Variants in DSCAML1 observed in about 807,000 individuals in gnomAD.
DSCAML1 encodes the protein cell adhesion molecule DSCAML1.
DSCAML1 carries 38 observed loss-of-function variants against 200.5 expected under a neutral mutation model. The ratio of observed to expected loss-of-function variants is 0.19; its 90% CI spans 0.15 to 0.25. The LOEUF (loss-of-function observed/expected upper bound fraction) is 0.25, where lower values mean the gene tolerates loss of function less well. DSCAML1 is among the 10% of genes least tolerant of loss of function. The pLI, the probability that DSCAML1 is intolerant of heterozygous loss-of-function variation, is 1.00. For missense variants in DSCAML1, 2,223 were observed against 2,858.8 expected (o/e 0.78, Z 5.07); for synonymous variants, 1,215 against 1,165.0 (o/e 1.04, Z -0.87).
intron 3 of DSCAML1, among the ~76,000 whole-genome samples, chr11:117,658,438 T>C (rs568073261): frequency 2.6e-5 from 4 of 152,314 alleles, no homozygotes; most frequent in African/African-American, 9.6e-5. Context: ...CGGAAAGCTG[T>C]GGCTTGCCCA....
chr11:117,813,749 G>T (rs1349584612), intron 1 of DSCAML1, among the ~76,000 whole-genome samples: 1 of 152,066 alleles, frequency 6.6e-6, no homozygotes, highest in African/African-American at 2.4e-5. Context: ...TCCCACTCTA[G>T]GTTCCCACGC....
intron 3 of DSCAML1, among the ~76,000 whole-genome samples, chr11:117,609,192 C>G (rs1212242062): frequency 6.6e-6 from 1 of 150,692 alleles, no homozygotes; most frequent in Middle Eastern, 3.2e-3. Flanking sequence ...GAGCCAGACC[C>G]TATCTCAATT....
intron 3 of DSCAML1, among the ~76,000 whole-genome samples, chr11:117,748,889 G>A (rs1459471962): frequency 6.6e-6 from 1 of 152,186 alleles, no homozygotes; most frequent in Non-Finnish European, 1.5e-5. Context: ...CAAGATGGAG[G>A]GTCCCACTGC....
At chr11:117,636,929 A>G (rs1026430529) in intron 3 of DSCAML1, among the ~76,000 whole-genome samples, 4 of 152,176 alleles carry the variant, frequency 2.6e-5, no homozygotes, top group Non-Finnish European at 5.9e-5. Context: ...AGATAGAGGA[A>G]CTACTTCCAG....
chr11:117,677,799 G>A (rs539318166), intron 3 of DSCAML1, among the ~76,000 whole-genome samples: 3 of 152,310 alleles, frequency 2.0e-5, no homozygotes, highest in East Asian at 3.9e-4. Flanking sequence ...GCACAGACAG[G>A]TGAAGGGACT....
At chr11:117,713,115 C>T (rs1591431043) in intron 3 of DSCAML1, among the ~76,000 whole-genome samples, 1 of 152,252 alleles carries the variant, frequency 6.6e-6, no homozygotes, top group East Asian at 1.9e-4. Flanking sequence ...TTCCCAATGC[C>T]GTTTTTTGGG....
At chr11:117,748,348 A>G (rs1286384391) in intron 3 of DSCAML1, among the ~76,000 whole-genome samples, 2 of 152,282 alleles carry the variant, frequency 1.3e-5, no homozygotes, top group East Asian at 3.9e-4. Context: ...ACTCCCCGTC[A>G]TTTTTACCCA....
In DSCAML1 at chr11:117,532,447, T is replaced by C; in HGVS notation, c.587A>G (p.Tyr196Cys). 1 of 1,614,128 alleles carries C rather than the reference T, an allele frequency of 6.2e-7. No individual in the cohort carries two copies. The change falls in exon 4 of 33, where the codon TAT becomes TGT. Residue 196 changes from tyrosine to cysteine, a missense_variant. Around this residue, in one of 7 missense-constraint regions of DSCAML1, gnomAD observed 579 missense variants for 721.5 expected, o/e 0.80. Transcript: ENST00000651296. ...ATACTTGTGCTTGGTGATGCAGCGA[T>C]AGGTGGAGAGGGCGTCCTCCTTCTG... The part of the protein sequence containing the change: ...DVQKEDALST[Y>C]RCITKHKYSG...
rs1382185711 is a variant in DSCAML1, at chr11:117,552,066, C to T, written c.512-19544G>A. On this transcript the variant is annotated intron_variant, in intron 3 of 32. Transcript: ENST00000651296. ...GAGTGTGATGGGGTGGGGGCAGCTG[C>T]GGGGAAGGGAGAGAGGCGAGGAGCT... 3.9e-5 allele frequency among the ~76,000 whole-genome samples: 5 copies of T among 127,214 alleles called. No individual in the cohort carries two copies. In the East Asian group the frequency reaches 8.5e-4, roughly 22 times the overall value. 83.5% of individuals were successfully genotyped at this position (127,214 alleles called of 152,430 possible).
intron 23 of DSCAML1, 25 bp downstream of exon 23, chr11:117,439,241 G>A (rs1485581240): frequency 2.5e-6 from 4 of 1,612,490 alleles, no homozygotes; most frequent in Admixed American, 1.7e-5. Flanking sequence ...CCCCACCTGG[G>A]GTCACCTGCC....
At chr11:117,725,801 CACAAAACAAA>C (rs72442656) in intron 3 of DSCAML1, among the ~76,000 whole-genome samples, 19,947 of 147,808 alleles carry the variant, frequency 0.13, 2,682 homozygotes, top group African/African-American at 0.35. Context: ...GGTTATGCTA[CACAAAACAAA>C]ACAAAACAAA....
rs200707521 is a variant in DSCAML1 at position 117,437,419 on chromosome 11, C to A, written c.4433-10G>T. 1 of 1,608,270 alleles carries A rather than the reference C, an allele frequency of 6.2e-7. No individual in the cohort carries two copies. The highest frequency in any genetic ancestry group is 2.2e-5 in the East Asian group (1 of 44,744). On this transcript the variant is annotated splice_polypyrimidine_tract_variant and intron_variant, in intron 25 of 32. Transcript: ENST00000651296. This position sits in a 1 kb window ranked among gnomAD's most constrained non-coding sequence, Gnocchi z 5.3. ...TTGCTGAAGGAGGGCTCTGGCAGGC[C>A]GGAGGGAGAGAGAGAGGTTAGAGAG...
At position 117,677,060 on chromosome 11, in the gene DSCAML1, C is replaced by T. The variant is rs141481673; in HGVS notation, c.511+99731G>A. 5.3e-5 allele frequency among the ~76,000 whole-genome samples: 8 copies of T among 152,350 alleles called. No individual in the cohort carries two copies. In the East Asian group the frequency reaches 1.3e-3, roughly 26 times the overall value. On this transcript the variant is annotated intron_variant, in intron 3 of 32. Transcript: ENST00000651296. ...TTGCTGGGTGGTGGTTTCTTCACAT[C>T]TCCCACAAAGGTTTGAGTAAGTCCA...
chr11:117,500,897 G>A (rs943244560), intron 11 of DSCAML1, among the ~76,000 whole-genome samples: 1 of 152,306 alleles, frequency 6.6e-6, no homozygotes, highest in South Asian at 2.1e-4. Context: ...GTTCATGAAA[G>A]TGTGAGTTCT....
rs528966698 is a variant in DSCAML1 at position 117,535,460 on chromosome 11, C to T, written c.512-2938G>A. Among the ~76,000 whole-genome samples, 7 of 152,282 alleles carry T rather than the reference C, an allele frequency of 4.6e-5. No homozygotes were observed. The South Asian group carries it at 1.2e-3, about 27-fold the overall frequency. ...CCGGCTCCAGCACACAGACCACAGC[C>T]GGGCAGACCCCGCAACTAGGCAGAC... On this transcript the variant is annotated intron_variant, in intron 3 of 32. Coordinates refer to ENST00000651296, the MANE Select transcript of DSCAML1 (RefSeq NM_020693.4).
chr11:117,699,202 C>G (rs991187531), intron 3 of DSCAML1, among the ~76,000 whole-genome samples: 1 of 152,142 alleles, frequency 6.6e-6, no homozygotes, highest in Non-Finnish European at 1.5e-5. Context: ...ATTTGGCCAA[C>G]AGGGTTTGAG....
intron 3 of DSCAML1, among the ~76,000 whole-genome samples, chr11:117,686,862 G>A (rs2053408994): frequency 6.6e-6 from 1 of 152,152 alleles, no homozygotes; most frequent in Admixed American, 6.5e-5. Context: ...GATGATGATG[G>A]TAACTCACAT....
intron 3 of DSCAML1, among the ~76,000 whole-genome samples, chr11:117,641,601 C>T (rs902835886): frequency 6.6e-6 from 1 of 152,108 alleles, no homozygotes; most frequent in Admixed American, 6.6e-5. Flanking sequence ...GCAGCATGGG[C>T]TGTGGAGTGA....
At chr11:117,671,548 TG>T (rs1333713532) in intron 3 of DSCAML1, among the ~76,000 whole-genome samples, 17 of 152,222 alleles carry the variant, frequency 1.1e-4, no homozygotes, top group African/African-American at 4.1e-4. Flanking sequence ...ACCAAAGGAT[TG>T]TGTTCCAAAT....
Sources: gnomAD v4.1 joint callset for allele counts (sites outside exome capture counted in the v4.1 genomes callset) on GRCh38, gnomAD v4.1.1 for gene constraint, gnomAD v4.1.1 regional missense constraint, Gnocchi (gnomAD v3.1) non-coding constraint, MANE v1.5 for transcripts, NCBI Gene and HGNC (gene_info 2026-07-23, HGNC 2026-07-21) for gene names.